The following COL6A3 variants were observed in gnomAD, a reference collection of about 807,000 sequenced individuals.
The protein encoded by COL6A3 is collagen alpha-3(VI) chain.
A neutral mutation model predicts 274.1 loss-of-function variants in COL6A3; 137 were observed. That is an observed-to-expected ratio of 0.50 (90% confidence interval 0.44 to 0.58). The LOEUF (loss-of-function observed/expected upper bound fraction) is 0.58. Ranked by LOEUF, COL6A3 falls within the 20% of genes least tolerant of loss-of-function variation. The pLI, the probability that COL6A3 is intolerant of heterozygous loss-of-function variation, is 0.00. For missense variants in COL6A3, 3,950 were observed against 4,124.9 expected (o/e 0.96, Z 1.16); for synonymous variants, 1,650 against 1,650.6 (o/e 1.00, Z 0.01).
At position 237,374,279 on chromosome 2, in the gene COL6A3, A is replaced by T; in HGVS notation, c.3679+133T>A. 1 of 1,360,616 alleles carries T rather than the reference A, an allele frequency of 7.3e-7. No individual in the cohort carries two copies. Among genetic ancestry groups the T allele is most frequent in the South Asian group, 1.2e-5 (1 of 83,578 alleles). The allele number at this position is 1,360,616 out of a possible 1,614,324, so 84.3% of individuals were successfully genotyped here. A position where few individuals can be genotyped will look rare whatever the true frequency, so the allele number is the denominator to read the frequency against. ...GCCAAAAAGGGCATGTGGGTTCCTAAATTTTCCTGTAATTTTAGTTTTCAC... is the reference window on the plus strand; with the variant it reads ...GCCAAAAAGGGCATGTGGGTTCCTATATTTTCCTGTAATTTTAGTTTTCAC... On this transcript the variant is annotated intron_variant, in intron 8 of 43. Transcript: ENST00000295550. This position sits in a 1 kb window ranked among gnomAD's most constrained non-coding sequence, Gnocchi z 4.8.
At position 237,368,819 on chromosome 2, in the gene COL6A3, C is replaced by G. The variant is rs1017491163; in HGVS notation, c.4644G>C (p.Leu1548=). 3.1e-6 allele frequency: 5 copies of G among 1,614,084 alleles called. No individual in the cohort carries two copies. Among genetic ancestry groups the G allele is most frequent in the African/African-American group, 1.3e-5 (1 of 74,930 alleles). Residue 1548 remains leucine (L), a synonymous_variant, in exon 10 of 44, where the codon CTG becomes CTC. Coordinates refer to ENST00000295550, the MANE Select transcript of COL6A3 (RefSeq NM_004369.4). This position sits in a 1 kb window ranked among gnomAD's most constrained non-coding sequence, Gnocchi z 4.4. Reference sequence around the variant, plus strand: ...ACACATCGTCCTGGGATTTTCCACCCAGGACCAGGACCAGGTGTTGGGGCA... The same window carrying G: ...ACACATCGTCCTGGGATTTTCCACCGAGGACCAGGACCAGGTGTTGGGGCA... ...DGVPQHLVLV[L]GGKSQDDVSR...
At chr2:237,357,498 G>C in intron 22 of COL6A3, 107 bp from the exon 23 acceptor site, 1 of 1,050,262 alleles carries the variant, frequency 9.5e-7, no homozygotes, top group Non-Finnish European at 1.5e-6. Flanking sequence ...CACAGAGGAA[G>C]AGCCCGTCTG....
intron 42 of COL6A3, chr2:237,333,125 C>G (rs1269912329): frequency 5.1e-6 from 2 of 389,182 alleles, no homozygotes; most frequent in African/African-American, 4.1e-5. Flanking sequence ...AAACGCCAAT[C>G]TTCACAGCAT....
intron 31 of COL6A3, 78 bp from the exon 32 acceptor site, chr2:237,346,643 G>A: frequency 1.5e-6 from 2 of 1,334,482 alleles, no homozygotes; most frequent in South Asian, 1.2e-5. Flanking sequence ...GGAAGGTACG[G>A]TAAAAGTGAT....
At chr2:237,334,945 G>A (rs1324171103) in intron 40 of COL6A3, 56 bp from the exon 41 acceptor site, 58 of 1,596,344 alleles carry the variant, frequency 3.6e-5, no homozygotes, top group Non-Finnish European at 4.9e-5. Context: ...TGACTGTAGT[G>A]CATGAGCGAG....
Position 237,390,210 on chromosome 2 carries a change from C to T in COL6A3, c.710-2026G>A, listed in dbSNP as rs1171142991. Reference sequence around the variant, plus strand: ...TCGCAGGATAACACTATTTCTTCTCCATTTGTAACTTACTTTTGGGTTGAA... The same window carrying T: ...TCGCAGGATAACACTATTTCTTCTCTATTTGTAACTTACTTTTGGGTTGAA... On this transcript the variant is annotated intron_variant, in intron 3 of 43. Coordinates refer to ENST00000295550, the MANE Select transcript of COL6A3 (RefSeq NM_004369.4). Among the ~76,000 whole-genome samples, 3 of 152,190 alleles carry T rather than the reference C, an allele frequency of 2.0e-5. No individual in the cohort carries two copies. In the South Asian group the frequency reaches 6.2e-4, roughly 32 times the overall value.
At chr2:237,409,799 CA>C (rs1300234978) in intron 1 of COL6A3, among the ~76,000 whole-genome samples, 1 of 152,186 alleles carries the variant, frequency 6.6e-6, no homozygotes, top group Non-Finnish European at 1.5e-5. Flanking sequence ...GGTAATTCTA[CA>C]GGGATACGCA....
At chr2:237,358,478 T>TC (rs781712265) in intron 21 of COL6A3, 43 bp downstream of exon 21, 3 of 1,531,034 alleles carry the variant, frequency 2.0e-6, no homozygotes, top group Non-Finnish European at 2.7e-6. Flanking sequence ...ACAACCCTCT[T>TC]CCCCAGGCTC....
At position 237,405,351 on chromosome 2, in the gene COL6A3, T is replaced by C. The variant is rs1450190411; in HGVS notation, c.-30-8504A>G. On this transcript the variant is annotated intron_variant, in intron 1 of 43. Transcript: ENST00000295550. Reference sequence around the variant, plus strand: ...TGTTTGTCATGTCCTGGAGTCTCCATTTATAAAAAAACGAAATTCCCTGGC... The same window carrying C: ...TGTTTGTCATGTCCTGGAGTCTCCACTTATAAAAAAACGAAATTCCCTGGC... Among the ~76,000 whole-genome samples, 3 of 151,698 alleles carry C rather than the reference T, an allele frequency of 2.0e-5. 1 individual carries two copies. Among genetic ancestry groups the C allele is most frequent in the African/African-American group, 7.2e-5 (3 of 41,430 alleles).
rs1163154131 is a variant in COL6A3 at position 237,333,657 on chromosome 2, G to C, written c.9230-109C>G. ...CTGCTGTGATTAATGTCTTATGTTGGGGAGTGGTGATTGAAAGACACAGAT... is the reference window on the plus strand; with the variant it reads ...CTGCTGTGATTAATGTCTTATGTTGCGGAGTGGTGATTGAAAGACACAGAT... On this transcript the variant is annotated intron_variant, in intron 41 of 43. Transcript: ENST00000295550. 4.4e-6 allele frequency: 4 copies of C among 915,152 alleles called. No individual in the cohort carries two copies. In the Admixed American group the frequency reaches 8.0e-5, roughly 18 times the overall value. The allele number at this position is 915,152 out of a possible 1,614,324, so 56.7% of individuals were successfully genotyped here. A position where few individuals can be genotyped will look rare whatever the true frequency, so the allele number is the denominator to read the frequency against.
chr2:237,358,671 T>G lies in COL6A3; in HGVS notation c.6409-88A>C, dbSNP rs2077370835. ...AATCACATTCTTCAACTCATAAATC[T>G]TAACTAGAACAATGTTTACAATTTA... On this transcript the variant is annotated intron_variant, in intron 20 of 43. Coordinates refer to ENST00000295550, the MANE Select transcript of COL6A3 (RefSeq NM_004369.4). The G allele has an allele frequency of 2.6e-6, 3 of 1,172,118 alleles. No individual in the cohort carries two copies. The Admixed American group carries it at 5.1e-5, about 20-fold the overall frequency. The allele number at this position is 1,172,118 out of a possible 1,614,324, so 72.6% of individuals were successfully genotyped here. A position where few individuals can be genotyped will look rare whatever the true frequency, so the allele number is the denominator to read the frequency against.
intron 4 of COL6A3, among the ~76,000 whole-genome samples, chr2:237,385,132 C>T (rs2078112817): frequency 6.6e-6 from 1 of 152,190 alleles, no homozygotes; most frequent in Non-Finnish European, 1.5e-5. Flanking sequence ...GTTGAATGCC[C>T]CAATGCAACT....
At chr2:237,352,072 T>C (rs148493998) in intron 26 of COL6A3, among the ~76,000 whole-genome samples, 45 of 152,322 alleles carry the variant, frequency 3.0e-4, no homozygotes, top group African/African-American at 1.1e-3. Flanking sequence ...CAAGATAACA[T>C]CTGCAGTCAC....
At position 237,376,816 on chromosome 2, in the gene COL6A3, A is replaced by G; in HGVS notation, c.3026T>C (p.Ile1009Thr). The G allele has an allele frequency of 6.2e-7, 1 of 1,614,162 alleles. No individual in the cohort carries two copies. The highest frequency in any genetic ancestry group is 8.5e-7 in the Non-Finnish European group (1 of 1,180,014). ...LPKIGDLHPQ[I>T]VNLLKSVHNG... Reference sequence around the variant, plus strand: ...GTGCACTGATTTTAAGAGATTCACTATCTGTGGATGAAGATCTCCAATCTT... The same window carrying G: ...GTGCACTGATTTTAAGAGATTCACTGTCTGTGGATGAAGATCTCCAATCTT... Residue 1009 changes from isoleucine to threonine, a missense_variant, in exon 7 of 44, where the codon ATA becomes ACA. Ile to Thr is a moderately conservative substitution (Grantham distance 89). Around this residue, in one of 5 missense-constraint regions of COL6A3, gnomAD observed 1,934 missense variants for 1,984.3 expected, o/e 0.97. Coordinates refer to ENST00000295550, the MANE Select transcript of COL6A3 (RefSeq NM_004369.4).
chr2:237,324,757 A>T lies in COL6A3; in HGVS notation c.*17T>A. On this transcript the variant is annotated 3_prime_UTR_variant, in exon 44 of 44. Coordinates refer to ENST00000295550, the MANE Select transcript of COL6A3 (RefSeq NM_004369.4). ...CTCCTTCTTCTTCAAGAGGTATATG[A>T]TGTTGGCCACCCACGCTTAGGTTCC... 1 of 1,613,156 alleles carries T rather than the reference A, an allele frequency of 6.2e-7. No individual in the cohort carries two copies. Among genetic ancestry groups the T allele is most frequent in the African/African-American group, 1.3e-5 (1 of 74,934 alleles).
Position 237,372,283 on chromosome 2 carries a change from C to T in COL6A3, c.3734G>A (p.Gly1245Glu). ...VFLIDGSQSAGPEFQYVRTLI... is the reference protein window; with the variant it reads ...VFLIDGSQSAEPEFQYVRTLI... Reference sequence around the variant, plus strand: ...GGTGCGAACGTACTGGAACTCAGGCCCGGCACTTTGGGACCCATCGATGAG... The same window carrying T: ...GGTGCGAACGTACTGGAACTCAGGCTCGGCACTTTGGGACCCATCGATGAG... The change falls in exon 9 of 44, where the codon GGG (glycine) becomes GAG (glutamate). Residue 1245 changes from glycine (G) to glutamate (E), a missense_variant. Physicochemically the swap from Gly to Glu is moderately conservative, Grantham distance 98. Around this residue, in one of 5 missense-constraint regions of COL6A3, gnomAD observed 1,934 missense variants for 1,984.3 expected, o/e 0.97. Transcript: ENST00000295550. The T allele has an allele frequency of 6.2e-7, 1 of 1,612,730 alleles. No homozygotes were observed. Among genetic ancestry groups the T allele is most frequent in the Non-Finnish European group, 8.5e-7 (1 of 1,180,014 alleles).
In COL6A3 at chr2:237,324,684, G is replaced by T; in HGVS notation, c.*90C>A. ...CAAAGCATGAAATGATACAGTGCAA[G>T]GGAATCTACACCCGGAGCTTCTACA... On this transcript the variant is annotated 3_prime_UTR_variant, in exon 44 of 44. Transcript: ENST00000295550. 8.5e-7 allele frequency: 1 copy of T among 1,180,816 alleles called. No homozygotes were observed. Among genetic ancestry groups the T allele is most frequent in the South Asian group, 1.2e-5 (1 of 80,748 alleles). The allele number at this position is 1,180,816 out of a possible 1,614,324, so 73.1% of individuals were successfully genotyped here.
At chr2:237,352,484 T>A in intron 26 of COL6A3, 38 bp downstream of exon 26, 1 of 1,590,164 alleles carries the variant, frequency 6.3e-7, no homozygotes, top group African/African-American at 1.3e-5. Context: ...GTGCCCTCTG[T>A]TCAGCTAGAG....
At chr2:237,352,221 T>A (rs966801467) in intron 26 of COL6A3, among the ~76,000 whole-genome samples, 2 of 152,286 alleles carry the variant, frequency 1.3e-5, no homozygotes, top group South Asian at 4.2e-4. Flanking sequence ...TTTTGGTAGA[T>A]TTAGATTTTC....
Sources: allele counts gnomAD v4.1 joint callset (sites outside exome capture counted in the v4.1 genomes callset), GRCh38; gene constraint gnomAD v4.1.1; regional missense constraint gnomAD v4.1.1; non-coding constraint Gnocchi (gnomAD v3.1); transcripts MANE v1.5; gene names NCBI Gene and HGNC (gene_info 2026-07-23, HGNC 2026-07-21).